The following RALGAPA1 variants were observed in gnomAD, a reference collection of about 807,000 sequenced individuals.
The protein encoded by RALGAPA1 is Ral GTPase activating protein catalytic subunit alpha 1, also known as ral GTPase-activating protein subunit alpha-1.
A neutral mutation model predicts 269.6 loss-of-function variants in RALGAPA1; 52 were observed. That is an observed-to-expected ratio of 0.19 (90% CI 0.15 to 0.24). The LOEUF (loss-of-function observed/expected upper bound fraction) is 0.24. Ranked by LOEUF, RALGAPA1 falls within the 10% of genes least tolerant of loss-of-function variation. RALGAPA1 has a pLI of 1.00. For missense variants in RALGAPA1, 1,917 were observed against 3,013.9 expected (o/e 0.64, Z 8.52); for synonymous variants, 817 against 1,008.3 (o/e 0.81, Z 3.60).
At chr14:35,791,198 C>T (rs1425120413) in intron 1 of RALGAPA1, among the ~76,000 whole-genome samples, 2 of 152,194 alleles carry the variant, frequency 1.3e-5, no homozygotes, top group Non-Finnish European at 2.9e-5. Context: ...AGGCTGACTT[C>T]TTCAGGCATG....
intron 27 of RALGAPA1, among the ~76,000 whole-genome samples, chr14:35,661,674 TC>T (rs1420096199): frequency 6.6e-6 from 1 of 152,156 alleles, no homozygotes; most frequent in Non-Finnish European, 1.5e-5. Context: ...CATTTGTCAG[TC>T]ATACAACGTA....
intron 37 of RALGAPA1, among the ~76,000 whole-genome samples, chr14:35,592,517 C>T (rs756699503): frequency 3.9e-5 from 6 of 152,146 alleles, no homozygotes; most frequent in East Asian, 3.8e-4. Flanking sequence ...AGCATCCCCT[C>T]GATCCCTAAG....
intron 1 of RALGAPA1, among the ~76,000 whole-genome samples, chr14:35,787,638 T>C (rs552405192): frequency 1.3e-5 from 2 of 152,248 alleles, no homozygotes; most frequent in East Asian, 3.9e-4. Context: ...TCTTTTTTTT[T>C]TGAGACAGGG....
Position 35,651,835 on chromosome 14 carries a change from T to A in RALGAPA1, c.5646A>T (p.Thr1882=), listed in dbSNP as rs2062844894. The change falls in exon 31 of 42, where the codon ACA becomes ACT. Residue 1882 remains threonine (T), a synonymous_variant. Coordinates refer to ENST00000680220, the MANE Select transcript of RALGAPA1 (RefSeq NM_001346249.2). ...IATITHLLPS[T]EASSYEMDKR... ...TGTCCATTTCATAAGATGAAGCCTC[T>A]GTACTTGGTAAAAGATGGGTGATGG... The A allele has an allele frequency of 6.2e-7, 1 of 1,606,744 alleles. No homozygotes were observed. Among genetic ancestry groups the A allele is most frequent in the African/African-American group, 1.3e-5 (1 of 74,646 alleles).
intron 27 of RALGAPA1, among the ~76,000 whole-genome samples, chr14:35,662,544 TTA>T (rs1460794844): frequency 6.6e-6 from 1 of 152,182 alleles, no homozygotes; most frequent in Non-Finnish European, 1.5e-5. Flanking sequence ...ACAAAAAAAT[TTA>T]TCTTACTTTG....
chr14:35,738,789 C>A, intron 11 of RALGAPA1, 139 bp from the exon 12 acceptor site: 1 of 623,456 alleles, frequency 1.6e-6, no homozygotes, highest in Non-Finnish European at 2.7e-6. Flanking sequence ...ATGTCTTATC[C>A]AAATCCAAAA....
Position 35,742,362 on chromosome 14 carries a change from C to G in RALGAPA1, c.1449+6G>C. On this transcript the variant is annotated splice_donor_region_variant and intron_variant, in intron 11 of 41. Transcript: ENST00000680220. ...ACACTAAAATATATAAATCTTATAACTTCACCTCTTCTCTTTTTTCTCCTT... is the reference window on the plus strand; with the variant it reads ...ACACTAAAATATATAAATCTTATAAGTTCACCTCTTCTCTTTTTTCTCCTT... The G allele has an allele frequency of 1.9e-6, 3 of 1,571,730 alleles. No individual in the cohort carries two copies. Among genetic ancestry groups the G allele is most frequent in the East Asian group, 2.3e-5 (1 of 43,498 alleles).
Position 35,672,947 on chromosome 14 carries a change from T to G in RALGAPA1, c.4993A>C (p.Arg1665=), listed in dbSNP as rs1394720602. Reference sequence around the variant, plus strand: ...TCTCTATTTGGAGAAACATCTTGTCTTCTTTTCATTGTATTACAAATAAGT... The same window carrying G: ...TCTCTATTTGGAGAAACATCTTGTCGTCTTTTCATTGTATTACAAATAAGT... ...YKLICNTMKR[R]QDVSPNRDFL... Residue 1665 remains arginine, a synonymous_variant, in exon 25 of 42, where the codon AGA becomes CGA. Coordinates refer to ENST00000680220, the MANE Select transcript of RALGAPA1 (RefSeq NM_001346249.2). 1 of 1,576,314 alleles carries G rather than the reference T, an allele frequency of 6.3e-7. No homozygotes were observed. The highest frequency in any genetic ancestry group is 2.3e-5 in the East Asian group (1 of 43,730).
At chr14:35,767,976 T>C (rs2074289672) in intron 4 of RALGAPA1, among the ~76,000 whole-genome samples, 1 of 152,148 alleles carries the variant, frequency 6.6e-6, no homozygotes, top group African/African-American at 2.4e-5. Flanking sequence ...GGTTTCACCA[T>C]GTTGCCCAGG....
chr14:35,605,565 C>T (rs1009411114), intron 36 of RALGAPA1, 21 bp downstream of exon 36: 23 of 1,559,000 alleles, frequency 1.5e-5, no homozygotes, highest in East Asian at 4.6e-5. Context: ...ATAAATATTT[C>T]GTATAATTTA....
At chr14:35,761,793 A>G (rs1312989205) in intron 5 of RALGAPA1, among the ~76,000 whole-genome samples, 1 of 152,196 alleles carries the variant, frequency 6.6e-6, no homozygotes, top group African/African-American at 2.4e-5. Flanking sequence ...ACCTTACCAG[A>G]GCTTGTTCAT....
intron 37 of RALGAPA1, among the ~76,000 whole-genome samples, chr14:35,588,054 G>T (rs1269592125): frequency 6.6e-6 from 1 of 152,132 alleles, no homozygotes; most frequent in Admixed American, 6.5e-5. Context: ...CTACAGGCAC[G>T]TGCCACCACG....
At position 35,766,502 on chromosome 14, in the gene RALGAPA1, A is replaced by G. The variant is rs184166995; in HGVS notation, c.326-3749T>C. The G allele has an allele frequency of 6.7e-5, 86 of 1,284,760 alleles. 1 individual carries two copies. In the Admixed American group the frequency reaches 1.2e-3, roughly 18 times the overall value. The allele number at this position is 1,284,760 out of a possible 1,614,324, so 79.6% of individuals were successfully genotyped here. A position where few individuals can be genotyped will look rare whatever the true frequency, so the allele number is the denominator to read the frequency against. ...TATCCTTTTCTCACATTACTTATTC[A>G]ATTGTCTGCTACCATCTATTGTGCA... On this transcript the variant is annotated intron_variant, in intron 4 of 41. Transcript: ENST00000680220.
intron 39 of RALGAPA1, among the ~76,000 whole-genome samples, chr14:35,559,948 C>T (rs2056030616): frequency 6.6e-6 from 1 of 152,100 alleles, no homozygotes; most frequent in Non-Finnish European, 1.5e-5. Context: ...AAAAATGATA[C>T]ATATGTATAA....
At chr14:35,704,902 A>C (rs986162644) in intron 16 of RALGAPA1, among the ~76,000 whole-genome samples, 1 of 152,162 alleles carries the variant, frequency 6.6e-6, no homozygotes, top group Non-Finnish European at 1.5e-5. Context: ...ATAAATGGAG[A>C]ATGACACAAA....
At chr14:35,553,946 A>G (rs2055278127) in intron 39 of RALGAPA1, among the ~76,000 whole-genome samples, 8 of 152,218 alleles carry the variant, frequency 5.3e-5, no homozygotes, top group Admixed American at 5.2e-4. Flanking sequence ...CTACACTCAT[A>G]TATTTCTATG....
At chr14:35,543,458 A>G (rs1039638700) in intron 41 of RALGAPA1, among the ~76,000 whole-genome samples, 2 of 152,136 alleles carry the variant, frequency 1.3e-5, no homozygotes, top group African/African-American at 4.8e-5. Context: ...CATACCATTA[A>G]ATTTAGTTTG....
intron 41 of RALGAPA1, among the ~76,000 whole-genome samples, chr14:35,545,310 T>C (rs1033116030): frequency 2.3e-4 from 35 of 152,064 alleles, no homozygotes; most frequent in African/African-American, 8.2e-4. Flanking sequence ...GATCTGACCA[T>C]CATAAATTCC....
chr14:35,612,685 C>A (rs1402020665), intron 35 of RALGAPA1, among the ~76,000 whole-genome samples: 2 of 151,740 alleles, frequency 1.3e-5, no homozygotes, highest in African/African-American at 2.4e-5. Context: ...ACTACAGGCG[C>A]CCGCCACCAC....
Sources: allele counts gnomAD v4.1 joint callset (sites outside exome capture counted in the v4.1 genomes callset), GRCh38; gene constraint gnomAD v4.1.1; transcripts MANE v1.5; gene names NCBI Gene and HGNC (gene_info 2026-07-23, HGNC 2026-07-21).